Variants in GATM observed in about 807,000 individuals in gnomAD.
GATM encodes the protein glycine amidinotransferase.
GATM carries 23 observed loss-of-function variants against 54.2 expected under a neutral mutation model. That is an observed-to-expected ratio of 0.42 (90% confidence interval 0.31 to 0.60). The LOEUF (loss-of-function observed/expected upper bound fraction) is 0.60, where lower values mean the gene tolerates loss of function less well. Among genes scored for constraint, GATM ranks in the 20% least tolerant of loss-of-function variants. The pLI is 0.14. For missense variants in GATM, 401 were observed against 544.9 expected (o/e 0.74, Z 2.63); for synonymous variants, 168 against 183.1 (o/e 0.92, Z 0.67).
chr15:45,383,476 AT>A (rs900933138), upstream of GATM, among the ~76,000 whole-genome samples: 7 of 151,960 alleles, frequency 4.6e-5, no homozygotes, highest in African/African-American at 1.5e-4. Context: ...GGATCTTCTT[AT>A]TTTTTTTACT....
At chr15:45,374,199 C>A (rs1285485818) in intron 2 of GATM, among the ~76,000 whole-genome samples, 2 of 152,150 alleles carry the variant, frequency 1.3e-5, no homozygotes, top group Non-Finnish European at 2.9e-5. Flanking sequence ...GACTAGCTAT[C>A]AAGTTTTTAT....
upstream of GATM, chr15:45,379,506 C>A (rs1282605904): frequency 1.3e-5 from 2 of 152,108 alleles, no homozygotes; most frequent in Non-Finnish European, 2.9e-5. Flanking sequence ...GTGGAAAGAG[C>A]CTCCGAGAGG....
At chr15:45,400,999 AT>A (rs1889995924) in intron 1 of GATM, among the ~76,000 whole-genome samples, 1 of 152,094 alleles carries the variant, frequency 6.6e-6, no homozygotes, top group Admixed American at 6.5e-5. Context: ...CAAAGCTGTT[AT>A]TTAAAAGTCC....
At chr15:45,380,123 CAAAAAAAAAAAAAAAAAA>C (rs71114345), upstream of GATM, 1 of 24,906 alleles carries the variant, frequency 4.0e-5, no homozygotes, top group Non-Finnish European at 6.9e-5. Flanking sequence ...GACTCCGTCT[CAAAAAAAAAAAAAAAAAA>C]AAAAAAAAAA....
intron 3 of GATM, chr15:45,396,346 C>A (rs1566846991): frequency 6.6e-6 from 1 of 152,230 alleles, no homozygotes; most frequent in East Asian, 1.9e-4. Flanking sequence ...TAATATAACT[C>A]AGATATAGTC....
In GATM at chr15:45,376,754, G is replaced by A; in HGVS notation, c.135C>T (p.Ser45=). The A allele has an allele frequency of 6.2e-7, 1 of 1,614,214 alleles. No homozygotes were observed. The highest frequency in any genetic ancestry group is 2.2e-5 in the East Asian group (1 of 44,886). ...CGTCAGCTGCACAGGAGTTCCGGGA[G>A]GAAGCCGTAGCTGCCTGGGTGCTCT... ...TFQSTQAATA[S]SRNSCAADDK... is the part of the protein sequence containing the mutation. Residue 45 remains serine, a synonymous_variant, in exon 2 of 9, where the codon TCC becomes TCT. Coordinates refer to ENST00000396659, the MANE Select transcript of GATM (RefSeq NM_001482.3).
chr15:45,372,548 C>T (rs1247264362), intron 2 of GATM, among the ~76,000 whole-genome samples: 1 of 152,188 alleles, frequency 6.6e-6, no homozygotes, highest in Non-Finnish European at 1.5e-5. Context: ...TACTACTCAT[C>T]CATTCACCAC....
At chr15:45,364,079 CA>C in intron 7 of GATM, 63 bp from the exon 8 acceptor site, 1 of 927,730 alleles carries the variant, frequency 1.1e-6, no homozygotes, top group Non-Finnish European at 1.8e-6. Context: ...CAAGGATTTA[CA>C]AGTGAAGAAT....
rs370250519 is a variant in GATM at position 45,365,580 on chromosome 15, T to C, written c.978+466A>G. 5.3e-5 allele frequency among the ~76,000 whole-genome samples: 8 copies of C among 152,278 alleles called. No individual in the cohort carries two copies. In the East Asian group the frequency reaches 1.5e-3, roughly 29 times the overall value. On this transcript the variant is annotated intron_variant, in intron 6 of 8. Transcript: ENST00000396659. ...AGTAGGAGGCTGCAGGTGAAGGGGA[T>C]AGACCAGCTGCAGTGCAGTGGCTTC...
At chr15:45,401,284 A>G (rs1310365793) in intron 1 of GATM, among the ~76,000 whole-genome samples, 1 of 152,180 alleles carries the variant, frequency 6.6e-6, no homozygotes, top group African/African-American at 2.4e-5. Context: ...CATTGATAAG[A>G]TATTACTACA....
intron 3 of GATM, among the ~76,000 whole-genome samples, chr15:45,395,059 C>A: frequency 6.6e-6 from 1 of 152,106 alleles, no homozygotes; most frequent in African/African-American, 2.4e-5. Context: ...ATTTTAGTGT[C>A]TTAGAAAGAA....
chr15:45,376,953 C>G lies in GATM; in HGVS notation c.70-134G>C. On this transcript the variant is annotated intron_variant, in intron 1 of 8. Coordinates refer to ENST00000396659, the MANE Select transcript of GATM (RefSeq NM_001482.3). ...CCCTTTAGAACAGCATAAACCAAGA[C>G]GTTAACAGTGTGTAGGTGGGTAGTG... is the stretch of plus-strand genomic sequence containing the variant. 3 of 793,178 alleles carry G rather than the reference C, an allele frequency of 3.8e-6. No individual in the cohort carries two copies. In the South Asian group the frequency reaches 4.4e-5, roughly 12 times the overall value. The allele number at this position is 793,178 out of a possible 1,614,324, so 49.1% of individuals were successfully genotyped here. A position where few individuals can be genotyped will look rare whatever the true frequency, so the allele number is the denominator to read the frequency against.
intron 4 of GATM, among the ~76,000 whole-genome samples, chr15:45,367,093 C>A (rs2140642916): frequency 6.6e-6 from 1 of 152,258 alleles, no homozygotes; most frequent in Admixed American, 6.5e-5. Flanking sequence ...GTAATCCCAG[C>A]ACTTTGGGAG....
upstream of GATM, chr15:45,378,848 T>G (rs1889694110): frequency 5.2e-6 from 1 of 193,320 alleles, no homozygotes; most frequent in African/African-American, 2.3e-5. Context: ...CAATGGTCTA[T>G]GCATATATTA....
rs759658712 is a variant in GATM at position 45,369,415 on chromosome 15, T to C, written c.395A>G (p.Asn132Ser). 1.9e-6 allele frequency: 3 copies of C among 1,614,168 alleles called. No homozygotes were observed. Among genetic ancestry groups the C allele is most frequent in the South Asian group, 2.2e-5 (2 of 91,082 alleles). Residue 132 changes from asparagine (N) to serine (S), a missense_variant, in exon 3 of 9, where the codon AAT (asparagine) becomes AGT (serine). Physicochemically the swap from Asn to Ser is conservative, Grantham distance 46. Coordinates refer to ENST00000396659, the MANE Select transcript of GATM (RefSeq NM_001482.3). Reference sequence around the variant, plus strand: ...TGTCACTCCTTCCGTTTTTAAAATATTGCACATTTCTTCAATTTCAGCAAC... The same window carrying C: ...TGTCACTCCTTCCGTTTTTAAAATACTGCACATTTCTTCAATTTCAGCAAC... Reference protein sequence around the residue: ...KAVAEIEEMCNILKTEGVTVR... With the variant: ...KAVAEIEEMCSILKTEGVTVR...
At chr15:45,378,704 C>A, upstream of GATM, 1 of 386,272 alleles carries the variant, frequency 2.6e-6, no homozygotes, top group Non-Finnish European at 4.6e-6. Context: ...GCCTCCGATG[C>A]TTGCCCTTTT....
chr15:45,396,112 C>CAGATA (rs1889927083), intron 3 of GATM: 1 of 152,162 alleles, frequency 6.6e-6, no homozygotes, highest in South Asian at 2.1e-4. Flanking sequence ...AAACTCAGAG[C>CAGATA]AGGAATACTT....
At chr15:45,394,483 A>G (rs147245207) in intron 3 of GATM, among the ~76,000 whole-genome samples, 41 of 152,334 alleles carry the variant, frequency 2.7e-4, no homozygotes, top group African/African-American at 8.4e-4. Flanking sequence ...AAAAGGTGGG[A>G]AGGTTACATG....
chr15:45,374,092 G>C (rs569124895), intron 2 of GATM, among the ~76,000 whole-genome samples: 2 of 152,120 alleles, frequency 1.3e-5, no homozygotes, highest in Non-Finnish European at 1.5e-5. Flanking sequence ...AATCCTGTTA[G>C]GTAGATAGCA....
Sources: allele counts gnomAD v4.1 joint callset (sites outside exome capture counted in the v4.1 genomes callset), GRCh38; gene constraint gnomAD v4.1.1; transcripts MANE v1.5; gene names NCBI Gene and HGNC (gene_info 2026-07-23, HGNC 2026-07-21).